C1QTNF9: variants seen among roughly 807,000 people sequenced by gnomAD.
C1QTNF9 encodes C1q and TNF related 9.
Under a neutral mutation model 10.1 loss-of-function variants are expected in C1QTNF9, and 6 were observed. That is an observed-to-expected ratio of 0.59 (90% CI 0.32 to 1.17). C1QTNF9 has a LOEUF of 1.17. Ranked by LOEUF, C1QTNF9 falls within the 50% of genes most tolerant of loss-of-function variation. The probability of loss-of-function intolerance (pLI) is 0.04; values close to 1 mark genes in which losing one functional copy is unlikely to be tolerated. For synonymous variants in C1QTNF9, 98 were observed against 163.5 expected, an observed-to-expected ratio of 0.60 and a Z score of 3.06; for missense variants, 201 against 418.8, an observed-to-expected ratio of 0.48 and a Z score of 4.54.
intron 1 of C1QTNF9, among the ~76,000 whole-genome samples, chr13:24,311,338 CACTATTTTGGGGGG>C (rs1485324997): frequency 1.3e-5 from 2 of 152,204 alleles, no homozygotes; most frequent in Non-Finnish European, 2.9e-5. Flanking sequence ...TAAATAAGAA[CACTATTTTGGGGGG>C]ACTAAAAAAC....
At chr13:24,321,806 G>A (rs1185571070) in exon 4 of C1QTNF9, 5 of 1,515,842 alleles carry the variant, frequency 3.3e-6, no homozygotes, top group South Asian at 2.7e-5. Flanking sequence ...CCATCCATCA[G>A]AATCAGCTTG....
At chr13:24,308,800 A>C (rs538269812), upstream of C1QTNF9, among the ~76,000 whole-genome samples, 10 of 152,294 alleles carry the variant, frequency 6.6e-5, no homozygotes, top group Admixed American at 5.2e-4. Flanking sequence ...GCACTGCGGC[A>C]TCTCGGGAAA....
Position 24,310,877 on chromosome 13 carries a change from A to C in C1QTNF9, c.-23+1261A>C, listed in dbSNP as rs866645714. Among the ~76,000 whole-genome samples, 581 of 146,340 alleles carry C rather than the reference A, an allele frequency of 4.0e-3. 4 individuals are homozygous for C. Among genetic ancestry groups the C allele is most frequent in the African/African-American group, 0.014 (545 of 38,970 alleles). The stretch of plus-strand genomic sequence containing the variant: ...CAGTGAGCCGAGATCGCGCCACTGC[A>C]CTCCAGCCTGGGCAACAGAGCGAGG... On this transcript the variant is annotated intron_variant, in intron 1 of 3. Transcript: ENST00000332018.
rs1229323708 is a variant in C1QTNF9, at chr13:24,321,082, G to T, written c.316G>T (p.Ala106Ser). ...AGGAAAACATGGCCCCAAGGGGCTT[G>T]CAGGGCCCATGGGAGAGAAGGGCCT... Residue 106 changes from alanine (A) to serine (S), a missense_variant, in exon 4 of 4, where the codon GCA becomes TCA. Ala to Ser is a moderately conservative substitution (Grantham distance 99). Coordinates refer to ENST00000332018, the Ensembl canonical transcript of C1QTNF9. The T allele has an allele frequency of 1.0e-5, 12 of 1,172,532 alleles. No individual in the cohort carries two copies. In the Middle Eastern group the frequency reaches 1.7e-3, roughly 167 times the overall value. The allele number at this position is 1,172,532 out of a possible 1,614,324, so 72.6% of individuals were successfully genotyped here. A position where few individuals can be genotyped will look rare whatever the true frequency, so the allele number is the denominator to read the frequency against.
chr13:24,317,374 GGACAAA>G (rs1878082024), intron 2 of C1QTNF9, among the ~76,000 whole-genome samples: 1 of 151,824 alleles, frequency 6.6e-6, no homozygotes, highest in Admixed American at 6.6e-5. Context: ...AAAAAATAGA[GGACAAA>G]GACAAACACT....
chr13:24,315,762 T>C, intron 1 of C1QTNF9: 1 of 549,734 alleles, frequency 1.8e-6, no homozygotes, highest in Non-Finnish European at 3.2e-6. Flanking sequence ...CCCGTTCACC[T>C]TGAAGAGTGG....
At chr13:24,308,703 A>G (rs1204211980), upstream of C1QTNF9, among the ~76,000 whole-genome samples, 1 of 151,028 alleles carries the variant, frequency 6.6e-6, no homozygotes, top group Non-Finnish European at 1.5e-5. Context: ...AGCTGGGGTG[A>G]GCCCCGCACC....
At chr13:24,307,628 C>CCCCA (rs1877648786), upstream of C1QTNF9, among the ~76,000 whole-genome samples, 3 of 152,240 alleles carry the variant, frequency 2.0e-5, no homozygotes, top group African/African-American at 7.2e-5. Context: ...TGATCTGCTC[C>CCCCA]TCCCAACCTT....
intron 1 of C1QTNF9, among the ~76,000 whole-genome samples, chr13:24,310,447 G>A (rs910048653): frequency 1.3e-4 from 20 of 150,800 alleles, no homozygotes; most frequent in South Asian, 2.2e-4. Context: ...CACCACGCCC[G>A]GCCTATGATG....
chr13:24,319,883 T>C (rs369971739), intron 3 of C1QTNF9, among the ~76,000 whole-genome samples: 3 of 152,178 alleles, frequency 2.0e-5, no homozygotes, highest in East Asian at 3.8e-4. Flanking sequence ...CCTAGTTCCA[T>C]ATGTGAGGGA....
exon 4 of C1QTNF9, chr13:24,321,662 A>T (rs1179395122): frequency 6.2e-7 from 1 of 1,614,048 alleles, no homozygotes; most frequent in East Asian, 2.2e-5. Context: ...AAGCTCGGGG[A>T]TGAGGTGTGG....
rs563864250 is a variant in C1QTNF9, at chr13:24,316,183, G to A, written c.166+14G>A. The A allele has an allele frequency of 6.2e-4, 954 of 1,549,686 alleles. 18 individuals are homozygous for A. In the South Asian group the frequency reaches 0.01, roughly 16 times the overall value. ...AAGGCGATGCAGGTACTCACCTGACGGCTTCGGCTGCCTTTCAACTTCTCT... is the reference window on the plus strand; with the variant it reads ...AAGGCGATGCAGGTACTCACCTGACAGCTTCGGCTGCCTTTCAACTTCTCT... On this transcript the variant is annotated intron_variant, in intron 2 of 3. Transcript: ENST00000332018.
intron 1 of C1QTNF9, among the ~76,000 whole-genome samples, chr13:24,310,311 G>C (rs1340840990): frequency 7.5e-6 from 1 of 132,726 alleles, no homozygotes; most frequent in Non-Finnish European, 1.6e-5. Flanking sequence ...CTGCCACCGC[G>C]CCTGGCTACT....
intron 1 of C1QTNF9, among the ~76,000 whole-genome samples, chr13:24,314,555 G>A (rs1460584311): frequency 6.6e-6 from 1 of 152,028 alleles, no homozygotes; most frequent in Admixed American, 6.6e-5. Flanking sequence ...TGGTGGTGGC[G>A]CCTGTAGTCC....
At chr13:24,308,276 C>G (rs1263096030), upstream of C1QTNF9, among the ~76,000 whole-genome samples, 2 of 152,212 alleles carry the variant, frequency 1.3e-5, no homozygotes, top group Non-Finnish European at 2.9e-5. Context: ...ACGGGTGTCC[C>G]CAGCAGGAGG....
chr13:24,316,166 G>A, exon 2 of C1QTNF9: 3 of 1,596,926 alleles, frequency 1.9e-6, no homozygotes, highest in South Asian at 2.2e-5. Context: ...CAAAGGCGAT[G>A]CAGGTACTCA....
exon 2 of C1QTNF9, chr13:24,316,011 T>C (rs955038611): frequency 6.2e-7 from 1 of 1,613,654 alleles, no homozygotes; most frequent in African/African-American, 1.3e-5. Context: ...ACCATGAGGA[T>C]CTGGTGGCTT....
chr13:24,309,791 G>C (rs1299126481), intron 1 of C1QTNF9, among the ~76,000 whole-genome samples, 175 bp downstream of exon 1: 1 of 152,192 alleles, frequency 6.6e-6, no homozygotes, highest in East Asian at 1.9e-4. Flanking sequence ...TCTTGAGGAA[G>C]AGGCTAAAGA....
chr13:24,310,333 T>G (rs1345549326), intron 1 of C1QTNF9, among the ~76,000 whole-genome samples: 2 of 150,898 alleles, frequency 1.3e-5, no homozygotes, highest in African/African-American at 4.9e-5. Context: ...TTTTTTTTTT[T>G]TTTGTATTTT....
Sources: gnomAD v4.1 joint callset for allele counts (sites outside exome capture counted in the v4.1 genomes callset) on GRCh38, gnomAD v4.1.1 for gene constraint, MANE v1.5 for transcripts, NCBI Gene and HGNC (gene_info 2026-07-23, HGNC 2026-07-21) for gene names.